LUZP1: variants seen among roughly 807,000 people sequenced by gnomAD.
The protein encoded by LUZP1 is leucine zipper protein 1.
LUZP1 carries 25 observed loss-of-function variants against 71.3 expected under a neutral mutation model. The observed-to-expected ratio is 0.35, with a 90% CI of 0.26 to 0.49. LUZP1 has a LOEUF of 0.49. LUZP1 is among the 20% of genes least tolerant of loss of function. LUZP1 has a pLI of 0.99. For missense variants in LUZP1, 1,142 were observed against 1,300.8 expected (o/e 0.88, Z 1.88); for synonymous variants, 481 against 506.4 (o/e 0.95, Z 0.67).
intron 2 of LUZP1, among the ~76,000 whole-genome samples, chr1:23,116,422 G>A (rs1213981151): frequency 6.6e-6 from 1 of 152,116 alleles, no homozygotes. Context: ...TCAGTAAGCT[G>A]AGACGGGAGA....
intron 2 of LUZP1, among the ~76,000 whole-genome samples, chr1:23,162,499 C>T (rs964269927): frequency 1.3e-5 from 2 of 149,620 alleles, no homozygotes; most frequent in Admixed American, 6.6e-5. Flanking sequence ...AGTGCAGTGG[C>T]GTGATCTCGG....
chr1:23,155,816 C>T (rs1160218492), intron 2 of LUZP1, among the ~76,000 whole-genome samples: 1 of 151,800 alleles, frequency 6.6e-6, no homozygotes, highest in Non-Finnish European at 1.5e-5. Context: ...AAAAAATTAA[C>T]ACTTAAATGA....
intron 2 of LUZP1, among the ~76,000 whole-genome samples, chr1:23,147,680 T>C (rs1034458375): frequency 6.7e-6 from 1 of 149,722 alleles, no homozygotes; most frequent in Non-Finnish European, 1.5e-5. Context: ...TGTTGGCACA[T>C]AGTAAGTGCT....
At chr1:23,162,749 G>A (rs1476017325) in intron 2 of LUZP1, 1 of 152,196 alleles carries the variant, frequency 6.6e-6, no homozygotes, top group African/African-American at 2.4e-5. Flanking sequence ...ATGGTACAGG[G>A]AAGATTAGTA....
intron 3 of LUZP1, among the ~76,000 whole-genome samples, chr1:23,104,632 C>G (rs1643965213): frequency 6.6e-6 from 1 of 152,194 alleles, no homozygotes; most frequent in Non-Finnish European, 1.5e-5. Context: ...CTGCTGGGCT[C>G]TGAGAGCAGG....
chr1:23,163,684 A>G (rs1338457773), intron 2 of LUZP1, among the ~76,000 whole-genome samples: 1 of 152,218 alleles, frequency 6.6e-6, no homozygotes. Context: ...GACAACAGCA[A>G]TGCCTAAAAA....
chr1:23,150,912 G>A (rs1644378370), intron 2 of LUZP1, among the ~76,000 whole-genome samples: 1 of 152,114 alleles, frequency 6.6e-6, no homozygotes, highest in Non-Finnish European at 1.5e-5. Flanking sequence ...TTTGTTTTTC[G>A]AATTGGACAT....
At chr1:23,149,481 A>G (rs1049475728) in intron 2 of LUZP1, among the ~76,000 whole-genome samples, 1 of 152,156 alleles carries the variant, frequency 6.6e-6, no homozygotes, top group Admixed American at 6.5e-5. Flanking sequence ...AAAGAGGCTC[A>G]AGGAAGATGA....
chr1:23,172,761 A>G (rs1174637657), intron 1 of LUZP1, among the ~76,000 whole-genome samples: 1 of 151,262 alleles, frequency 6.6e-6, no homozygotes, highest in Non-Finnish European at 1.5e-5. Flanking sequence ...GCGATCCTTT[A>G]GCTTTGTCCT....
At chr1:23,144,855 T>G (rs1163224032) in intron 2 of LUZP1, among the ~76,000 whole-genome samples, 3 of 152,124 alleles carry the variant, frequency 2.0e-5, no homozygotes, top group African/African-American at 7.2e-5. Context: ...ATGTTTTAAA[T>G]TGTATTTCTT....
chr1:23,148,956 G>A (rs952741084), intron 2 of LUZP1, among the ~76,000 whole-genome samples: 13 of 151,366 alleles, frequency 8.6e-5, no homozygotes, highest in South Asian at 6.3e-4. Flanking sequence ...TGGCACATGC[G>A]TATGGTCCTA....
intron 2 of LUZP1, among the ~76,000 whole-genome samples, chr1:23,153,645 G>A (rs1436798794): frequency 6.6e-6 from 1 of 152,180 alleles, no homozygotes; most frequent in Non-Finnish European, 1.5e-5. Flanking sequence ...CTGAGATGAT[G>A]CCCTTTCTCT....
rs1245191419 is a variant in LUZP1, at chr1:23,084,817, G to GTATC, written c.*4074_*4077dup. On this transcript the variant is annotated 3_prime_UTR_variant, in exon 5 of 5. Transcript: ENST00000302291. ...GCAGTTAATGTTTCCAGTCCTTGCAGTATCAGTAATTGGTTAGGTAAAATA... is the reference window on the plus strand; with the variant it reads ...GCAGTTAATGTTTCCAGTCCTTGCAGTATCTATCAGTAATTGGTTAGGTAAAATA... 4 of 152,272 alleles carry GTATC rather than the reference G, an allele frequency of 2.6e-5. No homozygotes were observed. The East Asian group carries it at 7.7e-4, about 29-fold the overall frequency. 9.4% of individuals were successfully genotyped at this position (152,272 alleles called of 1,614,324 possible). A position where few individuals can be genotyped will look rare whatever the true frequency, so the allele number is the denominator to read the frequency against.
intron 2 of LUZP1, among the ~76,000 whole-genome samples, chr1:23,139,290 A>G: frequency 6.6e-6 from 1 of 151,904 alleles, no homozygotes; most frequent in Non-Finnish European, 1.5e-5. Flanking sequence ...AGATAGTCTG[A>G]TCTTATGATA....
chr1:23,149,960 C>CAAAAAA (rs66680455), intron 2 of LUZP1, among the ~76,000 whole-genome samples: 8 of 75,756 alleles, frequency 1.1e-4, no homozygotes, highest in South Asian at 5.7e-4. Context: ...GACTCCGTCT[C>CAAAAAA]AAAAAAAAAA....
chr1:23,168,862 G>A lies in LUZP1; in HGVS notation c.-322C>T, dbSNP rs1488497510. 6.6e-6 allele frequency: 1 copy of A among 152,450 alleles called. No individual in the cohort carries two copies. The highest frequency in any genetic ancestry group is 1.9e-4 in the East Asian group (1 of 5,148). The allele number at this position is 152,450 out of a possible 1,614,324, so 9.4% of individuals were successfully genotyped here. ...TCTGGCTCCGCGGGACTGACAATGA[G>A]GGGCGGGGCCAAATTGTGACGTCAG... On this transcript the variant is annotated 5_prime_UTR_variant, in exon 2 of 5. Transcript: ENST00000302291.
intron 2 of LUZP1, among the ~76,000 whole-genome samples, chr1:23,112,363 T>G (rs1025508256): frequency 6.6e-6 from 1 of 152,202 alleles, no homozygotes; most frequent in Non-Finnish European, 1.5e-5. Flanking sequence ...GGTGGTAGTA[T>G]GTGTGTACGT....
intron 2 of LUZP1, among the ~76,000 whole-genome samples, chr1:23,142,614 A>G (rs1644311912): frequency 6.6e-6 from 1 of 151,882 alleles, no homozygotes; most frequent in African/African-American, 2.4e-5. Context: ...TTGCGAGAAC[A>G]GAGCCCTGGT....
At chr1:23,118,407 T>A (rs1030945701) in intron 2 of LUZP1, among the ~76,000 whole-genome samples, 16 of 151,908 alleles carry the variant, frequency 1.1e-4, no homozygotes, top group Non-Finnish European at 1.5e-5. Flanking sequence ...CAAAAAAAAA[T>A]TAAAATTAAA....
Sources: gnomAD v4.1 joint callset for allele counts (sites outside exome capture counted in the v4.1 genomes callset) on GRCh38, gnomAD v4.1.1 for gene constraint, MANE v1.5 for transcripts, NCBI Gene and HGNC (gene_info 2026-07-23, HGNC 2026-07-21) for gene names.